DLC1: variants seen among roughly 807,000 people sequenced by gnomAD.
DLC1 encodes rho GTPase-activating protein 7.
DLC1 carries 54 observed loss-of-function variants against 140.3 expected under a neutral mutation model. That is an observed-to-expected ratio of 0.38 (90% confidence interval 0.31 to 0.48). The LOEUF is 0.48. DLC1 is among the 20% of genes least tolerant of loss of function. The pLI is 0.96. For synonymous variants in DLC1, 986 were observed against 728.1 expected, an observed-to-expected ratio of 1.35 and a Z score of -5.70; for missense variants, 2,536 against 1,907.0, an observed-to-expected ratio of 1.33 and a Z score of -6.14.
chr8:13,505,168 A>C (rs957767783), intron 1 of DLC1, among the ~76,000 whole-genome samples: 12 of 152,172 alleles, frequency 7.9e-5, no homozygotes, highest in African/African-American at 1.4e-4. Flanking sequence ...AGCTGTGGCT[A>C]ATTTTTTTCA....
chr8:13,341,541 T>A (rs927525803), intron 4 of DLC1: 1 of 152,124 alleles, frequency 6.6e-6, no homozygotes, highest in Non-Finnish European at 1.5e-5. Flanking sequence ...GAGTCCGTTT[T>A]GAGATAGGGT....
intron 4 of DLC1, among the ~76,000 whole-genome samples, chr8:13,329,783 C>T (rs190637758): frequency 1.6e-4 from 25 of 152,244 alleles, no homozygotes; most frequent in Non-Finnish European, 2.5e-4. Flanking sequence ...AGAACAGGAG[C>T]TGTGTATGTA....
At chr8:13,357,028 G>C (rs183985558) in intron 4 of DLC1, among the ~76,000 whole-genome samples, 72 of 151,908 alleles carry the variant, frequency 4.7e-4, no homozygotes, top group South Asian at 3.1e-3. Context: ...CAACACTTAG[G>C]GGGGCTGAGG....
At chr8:13,456,816 C>T (rs1563363762) in intron 2 of DLC1, among the ~76,000 whole-genome samples, 1 of 152,152 alleles carries the variant, frequency 6.6e-6, no homozygotes, top group Non-Finnish European at 1.5e-5. Flanking sequence ...GCTCCAAAGA[C>T]AAATTCTACT....
chr8:13,526,835 C>A (rs1002645105), intron 1 of DLC1, among the ~76,000 whole-genome samples: 9 of 151,982 alleles, frequency 5.9e-5, no homozygotes, highest in African/African-American at 2.2e-4. Flanking sequence ...GACGAGTTAA[C>A]GGGTGCAGCA....
At chr8:13,292,383 A>G (rs1365124079) in intron 5 of DLC1, among the ~76,000 whole-genome samples, 1 of 152,208 alleles carries the variant, frequency 6.6e-6, no homozygotes, top group East Asian at 1.9e-4. Flanking sequence ...ACCATCTCAG[A>G]GTCAAGGTCA....
Position 13,103,000 on chromosome 8 carries a change from T to G in DLC1, c.1503-147A>C, listed in dbSNP as rs549647117. The G allele has an allele frequency of 1.5e-5, 10 of 680,936 alleles. No individual in the cohort carries two copies. The East Asian group carries it at 2.8e-4, about 19-fold the overall frequency. The allele number at this position is 680,936 out of a possible 1,614,324, so 42.2% of individuals were successfully genotyped here. On this transcript the variant is annotated intron_variant, in intron 7 of 17. Coordinates refer to ENST00000276297, the MANE Select transcript of DLC1 (RefSeq NM_182643.3). ...ACCTAGAGGAGTATTAGAAACTTAT[T>G]TAAAAAGTGAGTCATTTAAAAATAC... is the stretch of plus-strand genomic sequence containing the variant.
Position 13,120,267 on chromosome 8 carries a change from G to A in DLC1, c.1349-4610C>T, listed in dbSNP as rs185242425. On this transcript the variant is annotated intron_variant, in intron 5 of 17. Coordinates refer to ENST00000276297, the MANE Select transcript of DLC1 (RefSeq NM_182643.3). ...CTGAGGCAGGAGAATGGCGTGAACC[G>A]GGGAGGCGGAGGTGGCAGTGAGCTG... Among the ~76,000 whole-genome samples the A allele has an allele frequency of 6.8e-3, 1,008 of 148,970 alleles. 12 individuals are homozygous for A. Among genetic ancestry groups the A allele is most frequent in the Middle Eastern group, 0.021 (6 of 288 alleles).
chr8:13,321,243 C>G (rs1017560801), intron 4 of DLC1, among the ~76,000 whole-genome samples: 1 of 152,002 alleles, frequency 6.6e-6, no homozygotes, highest in African/African-American at 2.4e-5. Context: ...TTAAGTGATT[C>G]AAAAATGAAA....
chr8:13,320,825 A>G lies in DLC1; in HGVS notation c.1315-15523T>C, dbSNP rs1344526799. 2.0e-5 allele frequency among the ~76,000 whole-genome samples: 3 copies of G among 152,332 alleles called. No homozygotes were observed. The East Asian group carries it at 5.8e-4, about 29-fold the overall frequency. On this transcript the variant is annotated intron_variant, in intron 4 of 17. Transcript: ENST00000276297. ...AGGCCAAGAGTTCTAGACCAGCCTG[A>G]GTAACAGAGACAGACACCATCTCTA... is the stretch of plus-strand genomic sequence containing the variant.
intron 1 of DLC1, among the ~76,000 whole-genome samples, chr8:13,549,017 T>G (rs2117350413): frequency 6.6e-6 from 1 of 152,214 alleles, no homozygotes; most frequent in East Asian, 1.9e-4. Flanking sequence ...TATCTTATTT[T>G]TAAACATTTT....
At chr8:13,360,932 C>G (rs962180611) in intron 4 of DLC1, among the ~76,000 whole-genome samples, 2 of 143,964 alleles carry the variant, frequency 1.4e-5, no homozygotes, top group Admixed American at 7.0e-5. Flanking sequence ...TTTTCCTTTT[C>G]TTAAAGAGAC....
chr8:13,205,610 C>T (rs2117085621), intron 5 of DLC1, among the ~76,000 whole-genome samples: 1 of 151,466 alleles, frequency 6.6e-6, no homozygotes, highest in Admixed American at 6.6e-5. Context: ...AGCTGATGAG[C>T]TAAAAAAAAA....
chr8:13,192,795 A>T (rs1405893442), intron 5 of DLC1, among the ~76,000 whole-genome samples: 1 of 152,144 alleles, frequency 6.6e-6, no homozygotes, highest in African/African-American at 2.4e-5. Context: ...CAAAGGGATG[A>T]CCCTCTGAGG....
Position 13,100,765 on chromosome 8 carries a change from G to T in DLC1, c.1572C>A (p.Asp524Glu), listed in dbSNP as rs566023348. 1.3e-6 allele frequency: 2 copies of T among 1,560,272 alleles called. No individual in the cohort carries two copies. Among genetic ancestry groups the T allele is most frequent in the Non-Finnish European group, 1.7e-6 (2 of 1,154,894 alleles). ...CACAAGGCTCATCCTCGTCTGAATC[G>T]TCACTCTGCAAAGACAGAAAGGAGC... The part of the protein sequence containing the change: ...LEISPHRKRS[D>E]DSDEDEPCAI... Residue 524 changes from aspartate to glutamate, a missense_variant, in exon 9 of 18, where the codon GAC becomes GAA. Coordinates refer to ENST00000276297, the MANE Select transcript of DLC1 (RefSeq NM_182643.3).
chr8:13,174,779 A>G (rs1338793777), intron 5 of DLC1, among the ~76,000 whole-genome samples: 1 of 152,138 alleles, frequency 6.6e-6, no homozygotes, highest in Non-Finnish European at 1.5e-5. Context: ...TCAGATGCAG[A>G]GTTCAGGAAT....
chr8:13,088,857 G>C (rs981147174), intron 15 of DLC1, 153 bp from the exon 16 acceptor site: 1 of 602,882 alleles, frequency 1.7e-6, no homozygotes. Flanking sequence ...AGTATATAAA[G>C]AAATATTGGG....
chr8:13,218,711 C>T (rs1828330979), intron 5 of DLC1, among the ~76,000 whole-genome samples: 1 of 148,940 alleles, frequency 6.7e-6, no homozygotes, highest in African/African-American at 2.5e-5. Flanking sequence ...AATAGTTTGG[C>T]AGTTTCTTAA....
chr8:13,314,356 G>T (rs1832787371), intron 4 of DLC1, among the ~76,000 whole-genome samples: 1 of 148,912 alleles, frequency 6.7e-6, no homozygotes, highest in Non-Finnish European at 1.5e-5. Context: ...ATGTAATATT[G>T]TTCAATAGAC....
Sources: allele counts gnomAD v4.1 joint callset (sites outside exome capture counted in the v4.1 genomes callset), GRCh38; gene constraint gnomAD v4.1.1; transcripts MANE v1.5; gene names NCBI Gene and HGNC (gene_info 2026-07-23, HGNC 2026-07-21).